GKAP1: variants seen among roughly 807,000 people sequenced by gnomAD.
The protein encoded by GKAP1 is G kinase-anchoring protein 1.
In GKAP1, 31 loss-of-function variants were observed where a neutral mutation model predicts 56.7. The ratio of observed to expected loss-of-function variants is 0.55; its 90% CI spans 0.41 to 0.74. GKAP1 has a LOEUF of 0.74. Ranked by LOEUF, GKAP1 falls within the 30% of genes least tolerant of loss-of-function variation. GKAP1 has a pLI of 0.00. For missense variants in GKAP1, 364 were observed against 402.3 expected (o/e 0.90, Z 0.82); for synonymous variants, 151 against 138.6 (o/e 1.09, Z -0.63).
intron 4 of GKAP1, among the ~76,000 whole-genome samples, chr9:83,794,416 A>C (rs1217934533): frequency 6.6e-6 from 1 of 152,208 alleles, no homozygotes; most frequent in African/African-American, 2.4e-5. Flanking sequence ...ACTACTGCCA[A>C]GGGATTTATT....
At chr9:83,799,949 A>G (rs1356931288) in intron 3 of GKAP1, among the ~76,000 whole-genome samples, 4 of 152,204 alleles carry the variant, frequency 2.6e-5, no homozygotes, top group Non-Finnish European at 5.9e-5. Context: ...TGGGCAACAG[A>G]GTGAGACCCT....
At chr9:83,766,478 C>T (rs955413875) in intron 8 of GKAP1, among the ~76,000 whole-genome samples, 14 of 152,128 alleles carry the variant, frequency 9.2e-5, no homozygotes, top group African/African-American at 1.4e-4. Context: ...ACTACTGAGT[C>T]GAAAATAGAT....
intron 8 of GKAP1, among the ~76,000 whole-genome samples, chr9:83,764,300 A>G (rs1266999674): frequency 1.3e-5 from 2 of 152,102 alleles, no homozygotes. Context: ...GAGTTCTCAC[A>G]AGATCTGATG....
At chr9:83,768,157 C>T (rs1943694877) in intron 8 of GKAP1, among the ~76,000 whole-genome samples, 2 of 152,138 alleles carry the variant, frequency 1.3e-5, no homozygotes, top group African/African-American at 4.8e-5. Flanking sequence ...TGACATAAAT[C>T]TAATCTATGT....
chr9:83,796,181 C>T (rs1271868726), intron 4 of GKAP1, among the ~76,000 whole-genome samples: 1 of 152,056 alleles, frequency 6.6e-6, no homozygotes, highest in Non-Finnish European at 1.5e-5. Context: ...ATATTCCTGC[C>T]TCAACCTCCC....
At chr9:83,759,614 T>A (rs1943535430) in intron 8 of GKAP1, among the ~76,000 whole-genome samples, 1 of 152,208 alleles carries the variant, frequency 6.6e-6, no homozygotes, top group Non-Finnish European at 1.5e-5. Flanking sequence ...TTTGAACATT[T>A]TTTTTGGACA....
intron 8 of GKAP1, among the ~76,000 whole-genome samples, chr9:83,755,049 A>T (rs1267325142): frequency 6.6e-6 from 1 of 152,220 alleles, no homozygotes; most frequent in African/African-American, 2.4e-5. Flanking sequence ...GGTGAGGAAG[A>T]TGAACACTAC....
At chr9:83,768,786 G>C (rs1217439487) in intron 8 of GKAP1, 32 bp downstream of exon 8, 4 of 1,576,254 alleles carry the variant, frequency 2.5e-6, no homozygotes, top group East Asian at 2.2e-5. Flanking sequence ...CAATTTCACT[G>C]TGATTTTAAG....
At chr9:83,793,054 C>A in intron 4 of GKAP1, 1 of 1,096,164 alleles carries the variant, frequency 9.1e-7, no homozygotes, top group Non-Finnish European at 1.2e-6. Flanking sequence ...TTTAAGCAAA[C>A]CTATAGCTCA....
intron 10 of GKAP1, 148 bp from the exon 11 acceptor site, chr9:83,742,748 T>C: frequency 2.0e-6 from 1 of 496,190 alleles, no homozygotes; most frequent in East Asian, 3.0e-5. Context: ...TGCATAGCTC[T>C]TACTTTTCAC....
chr9:83,771,561 T>C (rs75928514), intron 7 of GKAP1, among the ~76,000 whole-genome samples: 1,706 of 152,340 alleles, frequency 0.011, 30 homozygotes, highest in African/African-American at 0.04. Flanking sequence ...TGCAACACTT[T>C]ATATCTTGCA....
intron 8 of GKAP1, among the ~76,000 whole-genome samples, chr9:83,757,054 G>A (rs1473703235): frequency 6.6e-6 from 1 of 152,192 alleles, no homozygotes; most frequent in Non-Finnish European, 1.5e-5. Context: ...TATTAAAAAT[G>A]ACAGGGAAAA....
chr9:83,750,273 T>C (rs2131236649), intron 9 of GKAP1, among the ~76,000 whole-genome samples: 1 of 152,284 alleles, frequency 6.6e-6, no homozygotes, highest in Middle Eastern at 3.4e-3. Flanking sequence ...ACATATGAAA[T>C]ACATAACATT....
intron 12 of GKAP1, among the ~76,000 whole-genome samples, chr9:83,741,468 T>TA (rs1390597963): frequency 6.6e-6 from 1 of 151,886 alleles, no homozygotes; most frequent in Non-Finnish European, 1.5e-5. Context: ...GAAGAAATGA[T>TA]AGAGTTAGAA....
intron 3 of GKAP1, 100 bp downstream of exon 3, chr9:83,806,202 T>C: frequency 1.4e-6 from 1 of 693,010 alleles, no homozygotes; most frequent in East Asian, 2.7e-5. Context: ...AGAGTACCTG[T>C]GGAACAGGTA....
intron 2 of GKAP1, among the ~76,000 whole-genome samples, chr9:83,815,356 C>T (rs1434108935): frequency 1.3e-5 from 2 of 151,648 alleles, no homozygotes; most frequent in African/African-American, 4.9e-5. Context: ...AAGCAATCCT[C>T]CAGCCTCGGC....
chr9:83,757,408 A>G (rs1481912237), intron 8 of GKAP1, among the ~76,000 whole-genome samples: 1 of 152,238 alleles, frequency 6.6e-6, no homozygotes, highest in Non-Finnish European at 1.5e-5. Flanking sequence ...GCACACATAG[A>G]AACAAATTTC....
intron 2 of GKAP1, among the ~76,000 whole-genome samples, chr9:83,809,999 T>TG (rs1359883074): frequency 3.3e-5 from 5 of 152,088 alleles, no homozygotes; most frequent in African/African-American, 1.2e-4. Flanking sequence ...TTTATAGAGA[T>TG]GGGGGTCTCC....
intron 2 of GKAP1, among the ~76,000 whole-genome samples, chr9:83,808,053 A>C (rs1467504228): frequency 3.9e-5 from 6 of 152,250 alleles, no homozygotes; most frequent in African/African-American, 1.4e-4. Flanking sequence ...AAGTCATAGC[A>C]TTTTATTACA....
Sources: allele counts gnomAD v4.1 joint callset (sites outside exome capture counted in the v4.1 genomes callset), GRCh38; gene constraint gnomAD v4.1.1; transcripts MANE v1.5; gene names NCBI Gene and HGNC (gene_info 2026-07-23, HGNC 2026-07-21).